SUMF1: variants seen among roughly 807,000 people sequenced by gnomAD.
SUMF1 encodes formylglycine-generating enzyme.
A neutral mutation model predicts 47.6 loss-of-function variants in SUMF1; 48 were observed. That is an observed-to-expected ratio of 1.01 (90% CI 0.80 to 1.28). The LOEUF (loss-of-function observed/expected upper bound fraction) is 1.28. Among genes scored for constraint, SUMF1 ranks in the 50% most tolerant of loss-of-function variants. SUMF1 has a pLI of 0.00. For missense variants in SUMF1, 571 were observed against 485.4 expected (o/e 1.18, Z -1.66); for synonymous variants, 230 against 192.1 (o/e 1.20, Z -1.63).
chr3:4,146,970 T>A (rs113818702), intron 8 of SUMF1, among the ~76,000 whole-genome samples: 2 of 152,134 alleles, frequency 1.3e-5, no homozygotes, highest in African/African-American at 4.8e-5. Flanking sequence ...AAGTCTTTGC[T>A]ATTGTGAATA....
At chr3:4,303,422 A>G (rs1368143817) in intron 8 of SUMF1, 1 of 1,555,404 alleles carries the variant, frequency 6.4e-7, no homozygotes, top group East Asian at 2.6e-5. Flanking sequence ...GGCGGAGTTT[A>G]AGGAGAAGCC....
chr3:4,390,582 C>A (rs1013797240), intron 7 of SUMF1, among the ~76,000 whole-genome samples: 4 of 152,058 alleles, frequency 2.6e-5, no homozygotes, highest in African/African-American at 7.2e-5. Flanking sequence ...GGGATATATG[C>A]AGCAAAAAGG....
At chr3:4,244,695 C>T (rs1029415259) in intron 8 of SUMF1, among the ~76,000 whole-genome samples, 1 of 152,096 alleles carries the variant, frequency 6.6e-6, no homozygotes, top group African/African-American at 2.4e-5. Context: ...AACATTTTTT[C>T]CTTCATTTCA....
intron 8 of SUMF1, among the ~76,000 whole-genome samples, chr3:4,194,691 G>C (rs1695391274): frequency 6.6e-6 from 1 of 152,128 alleles, no homozygotes; most frequent in Non-Finnish European, 1.5e-5. Flanking sequence ...ACAGCAAACA[G>C]TCAATAAATT....
In SUMF1 at chr3:4,046,054, A is replaced by G. The variant is rs1197375617; in HGVS notation, c.1191+22515T>C. On this transcript the variant is annotated intron_variant and NMD_transcript_variant, in intron 9 of 12. Transcript: ENST00000448413. Reference sequence around the variant, plus strand: ...GGACACAGCAAGAGCTTGTCTCTTAAAAAAGAAAAAAAAAGATTGAGTCCA... The same window carrying G: ...GGACACAGCAAGAGCTTGTCTCTTAGAAAAGAAAAAAAAAGATTGAGTCCA... Among the ~76,000 whole-genome samples, 3 of 152,138 alleles carry G rather than the reference A, an allele frequency of 2.0e-5. No homozygotes were observed. In the East Asian group the frequency reaches 5.8e-4, roughly 29 times the overall value.
At chr3:4,202,892 C>T (rs73014952) in intron 8 of SUMF1, among the ~76,000 whole-genome samples, 2,350 of 151,884 alleles carry the variant, frequency 0.015, 28 homozygotes, top group Non-Finnish European at 0.022. Flanking sequence ...TTCCAAAGTT[C>T]CTCTTCCTAT....
Position 4,150,753 on chromosome 3 carries a change from T to C in SUMF1, c.1015-82008A>G, listed in dbSNP as rs551257773. On this transcript the variant is annotated intron_variant and NMD_transcript_variant, in intron 8 of 12. Transcript: ENST00000448413. ...CTATGAAAAGATGCACTGGGAAGTT[T>C]GGGCATGCTTTTGTATCATCATAGC... Among the ~76,000 whole-genome samples the C allele has an allele frequency of 2.6e-5, 4 of 151,672 alleles. No individual in the cohort carries two copies. The South Asian group carries it at 8.3e-4, about 31-fold the overall frequency.
chr3:4,250,097 C>T (rs529059027), intron 8 of SUMF1, among the ~76,000 whole-genome samples: 2 of 151,832 alleles, frequency 1.3e-5, no homozygotes, highest in Admixed American at 6.6e-5. Context: ...GCACAAGAAT[C>T]GCTTGAACAC....
chr3:4,238,091 C>G (rs943154623), intron 8 of SUMF1, among the ~76,000 whole-genome samples: 1 of 152,096 alleles, frequency 6.6e-6, no homozygotes, highest in African/African-American at 2.4e-5. Flanking sequence ...TCATCCATGT[C>G]CCTGCAAAGG....
chr3:4,170,441 T>G (rs1157422640), intron 8 of SUMF1, among the ~76,000 whole-genome samples: 6 of 152,202 alleles, frequency 3.9e-5, no homozygotes, highest in Admixed American at 3.3e-4. Context: ...ACTGCCGCTT[T>G]AAGTTTATGC....
At chr3:4,229,786 G>C (rs1345336862) in intron 8 of SUMF1, among the ~76,000 whole-genome samples, 1 of 152,028 alleles carries the variant, frequency 6.6e-6, no homozygotes, top group Non-Finnish European at 1.5e-5. Flanking sequence ...AGCCAAGGTA[G>C]GAGAACTGCT....
At chr3:4,303,771 T>G in intron 8 of SUMF1, 1 of 1,452,404 alleles carries the variant, frequency 6.9e-7, no homozygotes, top group Non-Finnish European at 9.2e-7. Flanking sequence ...CCGGAGGCCT[T>G]GTGAGAACCT....
intron 8 of SUMF1, among the ~76,000 whole-genome samples, chr3:4,243,213 G>T (rs13093145): frequency 0.36 from 55,264 of 151,986 alleles, 10,875 homozygotes; most frequent in Non-Finnish European, 0.45. Flanking sequence ...CAATAAACCA[G>T]CTCCTGGATT....
intron 8 of SUMF1, among the ~76,000 whole-genome samples, chr3:4,271,191 A>C (rs1279452070): frequency 6.6e-6 from 1 of 152,202 alleles, no homozygotes; most frequent in African/African-American, 2.4e-5. Context: ...TTTATGAGGA[A>C]AAGTTTTTAA....
chr3:4,396,496 T>A (rs527620285), intron 7 of SUMF1, among the ~76,000 whole-genome samples: 1 of 152,288 alleles, frequency 6.6e-6, no homozygotes, highest in Non-Finnish European at 1.5e-5. Context: ...GGAGAACCAG[T>A]ATCTAGTCTG....
chr3:4,096,036 A>T (rs957187041), intron 8 of SUMF1, among the ~76,000 whole-genome samples: 1 of 152,164 alleles, frequency 6.6e-6, no homozygotes, highest in Non-Finnish European at 1.5e-5. Flanking sequence ...TCACAGGGAA[A>T]AGAGAATTAC....
chr3:4,450,260 G>A (rs1258794052), intron 2 of SUMF1, among the ~76,000 whole-genome samples: 1 of 152,122 alleles, frequency 6.6e-6, no homozygotes, highest in East Asian at 1.9e-4. Flanking sequence ...TACACTGATC[G>A]ATTCTTGTTG....
Position 4,092,461 on chromosome 3 carries a change from C to A in SUMF1, c.1015-23716G>T, listed in dbSNP as rs975252507. The stretch of plus-strand genomic sequence containing the variant: ...TTGAGCATCTATGCCTTTGGTGATA[C>A]CACTATTTTAATGTGTCAGCTTTAT... On this transcript the variant is annotated intron_variant and NMD_transcript_variant, in intron 8 of 12. Transcript: ENST00000448413. 3.9e-5 allele frequency among the ~76,000 whole-genome samples: 6 copies of A among 152,202 alleles called. No homozygotes were observed. In the East Asian group the frequency reaches 1.2e-3, roughly 29 times the overall value.
chr3:4,221,468 T>C (rs924213612), intron 8 of SUMF1, among the ~76,000 whole-genome samples: 1 of 151,432 alleles, frequency 6.6e-6, no homozygotes, highest in Non-Finnish European at 1.5e-5. Flanking sequence ...GTTTTCTTAA[T>C]GCACAGATGC....
Sources: allele counts gnomAD v4.1 joint callset (sites outside exome capture counted in the v4.1 genomes callset), GRCh38; gene constraint gnomAD v4.1.1; transcripts MANE v1.5; gene names NCBI Gene and HGNC (gene_info 2026-07-23, HGNC 2026-07-21).